Variants in ADD2 observed in about 807,000 individuals in gnomAD.
ADD2 encodes beta-adducin.
Under a neutral mutation model 83.0 loss-of-function variants are expected in ADD2, and 23 were observed. The ratio of observed to expected loss-of-function variants is 0.28; its 90% CI spans 0.20 to 0.39. The LOEUF (loss-of-function observed/expected upper bound fraction) is 0.39, where lower values mean the gene tolerates loss of function less well. ADD2 is among the 10% of genes least tolerant of loss of function. ADD2 has a pLI of 1.00. For synonymous variants in ADD2, 375 were observed against 375.4 expected (o/e 1.00, Z 0.01); for missense variants, 758 against 944.9 (o/e 0.80, Z 2.59).
At chr2:70,767,667 C>T in intron 1 of ADD2, 1 of 1,375,158 alleles carries the variant, frequency 7.3e-7, no homozygotes, top group South Asian at 1.8e-5. Flanking sequence ...GTGCTTGCAG[C>T]CCCGATTTCC....
intron 1 of ADD2, among the ~76,000 whole-genome samples, chr2:70,745,597 C>G (rs1218456878): frequency 1.3e-5 from 2 of 152,190 alleles, no homozygotes; most frequent in African/African-American, 2.4e-5. Context: ...GCAGGAGGGG[C>G]AGGAGATCTC....
rs537644022 is a variant in ADD2, at chr2:70,663,064, C to G, written c.*361G>C. ...CTGATTTAGTCTGAGCCTGTGAGAG[C>G]TCACGGCCCATTTCTGGCCTTCTTG... On this transcript the variant is annotated 3_prime_UTR_variant, in exon 16 of 16. Transcript: ENST00000264436. 1 of 211,300 alleles carries G rather than the reference C, an allele frequency of 4.7e-6. No individual in the cohort carries two copies. Among genetic ancestry groups the G allele is most frequent in the African/African-American group, 2.3e-5 (1 of 43,472 alleles). The allele number at this position is 211,300 out of a possible 1,614,324, so 13.1% of individuals were successfully genotyped here.
chr2:70,684,124 T>G (rs1670601201), intron 9 of ADD2, among the ~76,000 whole-genome samples: 1 of 152,214 alleles, frequency 6.6e-6, no homozygotes, highest in African/African-American at 2.4e-5. Flanking sequence ...CTTCAGTTCT[T>G]GTTTGTAATA....
At chr2:70,727,783 C>A (rs575722903) in intron 1 of ADD2, among the ~76,000 whole-genome samples, 85 of 152,162 alleles carry the variant, frequency 5.6e-4, no homozygotes, top group African/African-American at 2.0e-3. Flanking sequence ...GTAATCCCAG[C>A]TACTTGGGAG....
chr2:70,672,640 C>G (rs1457485112), intron 15 of ADD2, among the ~76,000 whole-genome samples: 10 of 152,280 alleles, frequency 6.6e-5, no homozygotes, highest in African/African-American at 1.7e-4. Flanking sequence ...GGCAAGGAGC[C>G]GGGGGCCAGC....
At chr2:70,708,902 C>T (rs1324744216) in intron 2 of ADD2, among the ~76,000 whole-genome samples, 1 of 152,170 alleles carries the variant, frequency 6.6e-6, no homozygotes, top group African/African-American at 2.4e-5. Context: ...AAAGCTGTAA[C>T]CAATCCAGTC....
Position 70,690,872 on chromosome 2 carries a change from C to T in ADD2, c.763G>A (p.Asp255Asn), listed in dbSNP as rs781914964. Residue 255 changes from aspartate (D) to asparagine (N), a missense_variant, in exon 8 of 16, where the codon GAC (aspartate) becomes AAC (asparagine). Asp to Asn is a conservative substitution (Grantham distance 23). Coordinates refer to ENST00000264436, the MANE Select transcript of ADD2 (RefSeq NM_001617.4). ...PVSHNALLVG[D>N]MAYYDFNGEM... ...CCATTGAAGTCATAATAGGCCATGT[C>T]CCCCACCAGCAGGGCATTGTGGGAG... 3 of 1,614,132 alleles carry T rather than the reference C, an allele frequency of 1.9e-6. No individual in the cohort carries two copies. Among genetic ancestry groups the T allele is most frequent in the Non-Finnish European group, 1.7e-6 (2 of 1,180,008 alleles).
In ADD2 at chr2:70,677,690, C is replaced by A. The variant is rs548433992; in HGVS notation, c.1503+68G>T. The A allele has an allele frequency of 2.5e-6, 4 of 1,584,226 alleles. 1 individual carries two copies. The South Asian group carries it at 4.6e-5, about 18-fold the overall frequency. ...TCAGGCACATCCTGGGAACTCAGCT[C>A]CTGTTTGTGGGACCTGAGACCCCCC... On this transcript the variant is annotated intron_variant, in intron 12 of 15. Coordinates refer to ENST00000264436, the MANE Select transcript of ADD2 (RefSeq NM_001617.4).
At position 70,663,581 on chromosome 2, in the gene ADD2, C is replaced by G. The variant is rs139265334; in HGVS notation, c.2025G>C (p.Thr675=). Residue 675 remains threonine (T), a synonymous_variant, in exon 16 of 16, where the codon ACG becomes ACC. Coordinates refer to ENST00000264436, the MANE Select transcript of ADD2 (RefSeq NM_001617.4). ...TTTTGTCCTTAGAGGTATCAACATC[C>G]GTGTCAGCACTGGTGGTCATCTGGC... The part of the protein sequence containing the change: ...GLSQMTTSAD[T]DVDTSKDKTE... 2 of 1,613,964 alleles carry G rather than the reference C, an allele frequency of 1.2e-6. No homozygotes were observed. Among genetic ancestry groups the G allele is most frequent in the Admixed American group, 1.7e-5 (1 of 59,994 alleles).
intron 1 of ADD2, among the ~76,000 whole-genome samples, chr2:70,713,586 G>T (rs1217259795): frequency 2.0e-5 from 3 of 152,212 alleles, no homozygotes; most frequent in Non-Finnish European, 1.5e-5. Flanking sequence ...ACTCCAGCCT[G>T]GGGGAGGGAG....
rs1553368361 is a variant in ADD2, at chr2:70,676,738, C to T, written c.1593+58G>A. ...GGGTCCTGCAACCCAGCCCCAGGCACAGAAGACCCCGAAGGCAAACACGTT... is the reference window on the plus strand; with the variant it reads ...GGGTCCTGCAACCCAGCCCCAGGCATAGAAGACCCCGAAGGCAAACACGTT... On this transcript the variant is annotated intron_variant, in intron 13 of 15. Transcript: ENST00000264436. This position sits in a 1 kb window ranked among gnomAD's most constrained non-coding sequence, Gnocchi z 4.8. The T allele has an allele frequency of 3.1e-6, 5 of 1,611,654 alleles. No homozygotes were observed. Among genetic ancestry groups the T allele is most frequent in the South Asian group, 2.2e-5 (2 of 90,684 alleles).
chr2:70,727,372 T>C (rs1177439525), intron 1 of ADD2, among the ~76,000 whole-genome samples: 2 of 152,018 alleles, frequency 1.3e-5, no homozygotes, highest in African/African-American at 4.8e-5. Context: ...CATCCTTCCA[T>C]TCCCCAACGC....
chr2:70,686,050 T>C (rs1412422660), intron 9 of ADD2, among the ~76,000 whole-genome samples: 3 of 152,194 alleles, frequency 2.0e-5, no homozygotes, highest in African/African-American at 7.2e-5. Context: ...CGTTCGCTTG[T>C]TTGCCAAGGT....
rs575949282 is a variant in ADD2, at chr2:70,754,457, A to G, written c.-154+13429T>C. Among the ~76,000 whole-genome samples, 24 of 151,888 alleles carry G rather than the reference A, an allele frequency of 1.6e-4. No homozygotes were observed. In the South Asian group the frequency reaches 2.1e-3, roughly 13 times the overall value. On this transcript the variant is annotated intron_variant, in intron 1 of 15. Transcript: ENST00000264436. ...CTCCTCCAGCCCTATAGTCACCTCT[A>G]TCTATTTCCACTCCTTCAAAACCCC...
chr2:70,697,059 T>C (rs1553372846), intron 4 of ADD2, among the ~76,000 whole-genome samples: 1 of 152,218 alleles, frequency 6.6e-6, no homozygotes, highest in Non-Finnish European at 1.5e-5. Context: ...CTCAGGAGGC[T>C]GAGGCAGGAG....
At chr2:70,667,441 C>A (rs184627182) in intron 15 of ADD2, among the ~76,000 whole-genome samples, 7 of 152,332 alleles carry the variant, frequency 4.6e-5, no homozygotes, top group African/African-American at 1.7e-4. Flanking sequence ...CTGGTTTGGA[C>A]ACACTGCCTC....
intron 1 of ADD2, among the ~76,000 whole-genome samples, chr2:70,728,527 A>G (rs1673124414): frequency 6.6e-6 from 1 of 152,224 alleles, no homozygotes; most frequent in African/African-American, 2.4e-5. Flanking sequence ...AATGGATACC[A>G]AATCAATCCA....
chr2:70,663,162 G>T lies in ADD2; in HGVS notation c.*263C>A, dbSNP rs2104135705. ...ACTAGGCAGTGTTGTGTAGTAGAAG[G>T]AGCACTGGACTGGAAGTCAGGAGAC... On this transcript the variant is annotated 3_prime_UTR_variant, in exon 16 of 16. Transcript: ENST00000264436. 2.0e-5 allele frequency: 9 copies of T among 455,648 alleles called. No homozygotes were observed. The South Asian group carries it at 2.4e-4, about 12-fold the overall frequency. 28.2% of individuals were successfully genotyped at this position (455,648 alleles called of 1,614,324 possible).
In ADD2 at chr2:70,732,535, G is replaced by A. The variant is rs77689092; in HGVS notation, c.-153-19351C>T. 7.5e-4 allele frequency among the ~76,000 whole-genome samples: 114 copies of A among 152,334 alleles called. No individual in the cohort carries two copies. In the East Asian group the frequency reaches 0.022, roughly 29 times the overall value. Reference sequence around the variant, plus strand: ...CTAGGCACTGCATCATGAGGGAAAAGCACTGGACAGACTACGAGACCAGGG... The same window carrying A: ...CTAGGCACTGCATCATGAGGGAAAAACACTGGACAGACTACGAGACCAGGG... On this transcript the variant is annotated intron_variant, in intron 1 of 15. Coordinates refer to ENST00000264436, the MANE Select transcript of ADD2 (RefSeq NM_001617.4).
Sources: allele counts gnomAD v4.1 joint callset (sites outside exome capture counted in the v4.1 genomes callset), GRCh38; gene constraint gnomAD v4.1.1; non-coding constraint Gnocchi (gnomAD v3.1); transcripts MANE v1.5; gene names NCBI Gene and HGNC (gene_info 2026-07-23, HGNC 2026-07-21).